CNTNAP2: variants seen among roughly 807,000 people sequenced by gnomAD.
CNTNAP2 encodes the protein contactin-associated protein-like 2.
CNTNAP2 carries 98 observed loss-of-function variants against 155.2 expected under a neutral mutation model. The observed-to-expected ratio is 0.63, with a 90% CI of 0.54 to 0.75. CNTNAP2 has a LOEUF of 0.75. CNTNAP2 is among the 30% of genes least tolerant of loss of function. The probability of loss-of-function intolerance (pLI) is 0.00; values close to 1 mark genes in which losing one functional copy is unlikely to be tolerated. For missense variants in CNTNAP2, 1,727 were observed against 1,688.1 expected (o/e 1.02, Z -0.40); for synonymous variants, 651 against 631.2 (o/e 1.03, Z -0.47).
At chr7:147,452,344 T>C (rs554726748) in intron 10 of CNTNAP2, among the ~76,000 whole-genome samples, 1 of 152,310 alleles carries the variant, frequency 6.6e-6, no homozygotes, top group African/African-American at 2.4e-5. Flanking sequence ...CTTGACAGAG[T>C]ATAATCAGGT....
In CNTNAP2 at chr7:148,346,773, T is replaced by TAAAA. The variant is rs71188973; in HGVS notation, c.3476-36854_3476-36851dup. On this transcript the variant is annotated intron_variant, in intron 21 of 23. Transcript: ENST00000361727. ...GGCAACAAGAGTGAAACTCCATCTT[T>TAAAA]AAAAAAAAAAAAAAAAAAAAAAAAA... Among the ~76,000 whole-genome samples, 156 of 147,084 alleles carry TAAAA rather than the reference T, an allele frequency of 1.1e-3. 2 individuals are homozygous for TAAAA. Among genetic ancestry groups the TAAAA allele is most frequent in the African/African-American group, 3.8e-3 (151 of 39,410 alleles).
chr7:146,886,538 C>G (rs1795666153), intron 3 of CNTNAP2, among the ~76,000 whole-genome samples: 1 of 151,512 alleles, frequency 6.6e-6, no homozygotes, highest in South Asian at 2.1e-4. Context: ...ATTGGGACTG[C>G]CTGGACTGTA....
chr7:148,262,279 G>T (rs1342596228), intron 20 of CNTNAP2, among the ~76,000 whole-genome samples: 1 of 152,200 alleles, frequency 6.6e-6, no homozygotes, highest in Non-Finnish European at 1.5e-5. Context: ...TGTTATTGAA[G>T]AAATTGCCGG....
At chr7:146,470,319 TAGA>T (rs1358902640) in intron 1 of CNTNAP2, among the ~76,000 whole-genome samples, 1 of 152,146 alleles carries the variant, frequency 6.6e-6, no homozygotes, top group East Asian at 1.9e-4. Flanking sequence ...TGCAAGGGAA[TAGA>T]AGATGAGTTC....
chr7:146,330,818 C>A (rs1050590906), intron 1 of CNTNAP2, among the ~76,000 whole-genome samples: 1 of 152,092 alleles, frequency 6.6e-6, no homozygotes, highest in East Asian at 1.9e-4. Flanking sequence ...TGCCTATTGG[C>A]AGTATGTGCT....
intron 1 of CNTNAP2, among the ~76,000 whole-genome samples, chr7:146,269,119 G>C (rs1800039853): frequency 6.6e-6 from 1 of 151,976 alleles, no homozygotes; most frequent in African/African-American, 2.4e-5. Flanking sequence ...AGGTGGGCAG[G>C]TCACGAGGTC....
At chr7:147,304,155 A>C (rs371920820) in intron 9 of CNTNAP2, among the ~76,000 whole-genome samples, 157 of 152,280 alleles carry the variant, frequency 1.0e-3, no homozygotes, top group African/African-American at 3.5e-3. Flanking sequence ...GCAAAGTCTT[A>C]GTCCTCCTTT....
At chr7:147,526,191 CAAA>C (rs200655145) in intron 11 of CNTNAP2, among the ~76,000 whole-genome samples, 9 of 63,756 alleles carry the variant, frequency 1.4e-4, no homozygotes, top group Admixed American at 3.6e-4. Flanking sequence ...GACTCCATCT[CAAA>C]AAAAAAAAAA....
At chr7:147,840,833 T>C (rs925851928) in intron 13 of CNTNAP2, among the ~76,000 whole-genome samples, 5 of 151,990 alleles carry the variant, frequency 3.3e-5, no homozygotes, top group African/African-American at 1.2e-4. Context: ...GTTTGGATGA[T>C]CAGAAAGTAG....
At chr7:146,394,725 A>T (rs997636152) in intron 1 of CNTNAP2, among the ~76,000 whole-genome samples, 1 of 152,166 alleles carries the variant, frequency 6.6e-6, no homozygotes, top group Non-Finnish European at 1.5e-5. Flanking sequence ...TGGTTATTTC[A>T]CACAAATTTT....
chr7:147,632,946 T>A (rs1795112093), intron 12 of CNTNAP2, among the ~76,000 whole-genome samples: 1 of 152,174 alleles, frequency 6.6e-6, no homozygotes, highest in South Asian at 2.1e-4. Flanking sequence ...CCCTGCCTCA[T>A]TCAAGAGGAA....
chr7:148,144,474 G>T (rs1805137099), intron 16 of CNTNAP2, among the ~76,000 whole-genome samples: 1 of 152,206 alleles, frequency 6.6e-6, no homozygotes, highest in Non-Finnish European at 1.5e-5. Flanking sequence ...TGTGAGTAAA[G>T]AAGTCCTTTG....
At chr7:148,362,153 G>A (rs1798635110) in intron 21 of CNTNAP2, among the ~76,000 whole-genome samples, 1 of 151,978 alleles carries the variant, frequency 6.6e-6, no homozygotes, top group South Asian at 2.1e-4. Flanking sequence ...AGGTTGCAGT[G>A]AGCTAAGATT....
In CNTNAP2 at chr7:147,361,086, T is replaced by A. The variant is rs188435699; in HGVS notation, c.1499-34523T>A. Among the ~76,000 whole-genome samples, 38 of 152,226 alleles carry A rather than the reference T, an allele frequency of 2.5e-4. No individual in the cohort carries two copies. The South Asian group carries it at 3.7e-3, about 15-fold the overall frequency. On this transcript the variant is annotated intron_variant, in intron 9 of 23. Transcript: ENST00000361727. The stretch of plus-strand genomic sequence containing the variant: ...AAAGTCAAAGTGCTGGAACTTATCA[T>A]TTAAAGAAAAAAACCTAAAATATAG...
chr7:147,408,250 G>T (rs930760978), intron 10 of CNTNAP2, among the ~76,000 whole-genome samples: 2 of 152,226 alleles, frequency 1.3e-5, no homozygotes, highest in African/African-American at 4.8e-5. Context: ...AAGGGATCTT[G>T]TGCCTAATTC....
chr7:146,740,115 T>C (rs1801686646), intron 1 of CNTNAP2, among the ~76,000 whole-genome samples: 1 of 152,068 alleles, frequency 6.6e-6, no homozygotes, highest in Admixed American at 6.5e-5. Flanking sequence ...GTCACATAAG[T>C]TTCATAAGCT....
intron 13 of CNTNAP2, among the ~76,000 whole-genome samples, chr7:147,783,411 C>A (rs574484371): frequency 6.6e-6 from 1 of 152,236 alleles, no homozygotes. Context: ...GTCCATATTA[C>A]CCAAGCCTCT....
intron 14 of CNTNAP2, among the ~76,000 whole-genome samples, chr7:147,924,138 C>G (rs1224566636): frequency 2.4e-5 from 1 of 41,212 alleles, no homozygotes; most frequent in African/African-American, 1.7e-4. Flanking sequence ...CTTTTCTTTT[C>G]TTTTCTTTTT....
intron 2 of CNTNAP2, among the ~76,000 whole-genome samples, chr7:146,806,557 G>A (rs1270967618): frequency 6.6e-6 from 1 of 151,782 alleles, no homozygotes; most frequent in African/African-American, 2.4e-5. Flanking sequence ...CAAATGTGTA[G>A]AACCTCAGGA....
Sources: gnomAD v4.1 joint callset for allele counts (sites outside exome capture counted in the v4.1 genomes callset) on GRCh38, gnomAD v4.1.1 for gene constraint, MANE v1.5 for transcripts, NCBI Gene and HGNC (gene_info 2026-07-23, HGNC 2026-07-21) for gene names.